PCDH9: variants seen among roughly 807,000 people sequenced by gnomAD.
PCDH9 encodes the protein protocadherin 9.
Under a neutral mutation model 70.6 loss-of-function variants are expected in PCDH9, and 24 were observed. The ratio of observed to expected loss-of-function variants is 0.34; its 90% CI spans 0.25 to 0.48. The LOEUF (loss-of-function observed/expected upper bound fraction) is 0.48, where lower values mean the gene tolerates loss of function less well. Among genes scored for constraint, PCDH9 ranks in the 20% least tolerant of loss-of-function variants. PCDH9 has a pLI of 0.99. For missense variants in PCDH9, 1,281 were observed against 1,503.6 expected (o/e 0.85, Z 2.45); for synonymous variants, 562 against 558.5 (o/e 1.01, Z -0.09).
chr13:67,092,712 CATTTT>C (rs1467722976), intron 2 of PCDH9, among the ~76,000 whole-genome samples: 1 of 152,176 alleles, frequency 6.6e-6, no homozygotes, highest in Non-Finnish European at 1.5e-5. Flanking sequence ...TATGTTATTT[CATTTT>C]ATTTCCCATA....
intron 4 of PCDH9, among the ~76,000 whole-genome samples, chr13:66,487,558 A>G (rs1017018485): frequency 6.6e-6 from 1 of 152,168 alleles, no homozygotes; most frequent in African/African-American, 2.4e-5. Flanking sequence ...TTACTTTGTC[A>G]ATGTCCATAT....
intron 3 of PCDH9, among the ~76,000 whole-genome samples, chr13:66,759,467 T>G (rs2079588283): frequency 6.6e-6 from 1 of 152,146 alleles, no homozygotes; most frequent in Non-Finnish European, 1.5e-5. Flanking sequence ...TTAAATAATT[T>G]AATCTATTTA....
intron 2 of PCDH9, among the ~76,000 whole-genome samples, chr13:67,163,489 G>T (rs2088020041): frequency 6.6e-6 from 1 of 152,070 alleles, no homozygotes; most frequent in South Asian, 2.1e-4. Context: ...TAAAATTTCA[G>T]AGCGCATTTG....
At chr13:66,569,739 GATTAAGT>G (rs1160603716) in intron 4 of PCDH9, among the ~76,000 whole-genome samples, 2 of 152,230 alleles carry the variant, frequency 1.3e-5, no homozygotes, top group Middle Eastern at 3.4e-3. Context: ...GAGATGGGAT[GATTAAGT>G]ATTAATTGAA....
At chr13:66,349,121 A>C (rs1198058223) in intron 4 of PCDH9, among the ~76,000 whole-genome samples, 2 of 152,192 alleles carry the variant, frequency 1.3e-5, no homozygotes, top group African/African-American at 4.8e-5. Context: ...TTGACAAACA[A>C]GGGTCTAGAG....
rs187778030 is a variant in PCDH9, at chr13:66,649,459, C to T, written c.3139-18048G>A. On this transcript the variant is annotated intron_variant, in intron 3 of 4. Transcript: ENST00000377865. Reference sequence around the variant, plus strand: ...TTTTATCCTAGAACAGTATATCAAACAAAAACATCCTTCAAACATGAAGGA... The same window carrying T: ...TTTTATCCTAGAACAGTATATCAAATAAAAACATCCTTCAAACATGAAGGA... 3.0e-3 allele frequency among the ~76,000 whole-genome samples: 463 copies of T among 151,936 alleles called. 1 individual carries two copies. Among genetic ancestry groups the T allele is most frequent in the African/African-American group, 0.011 (440 of 41,456 alleles).
At chr13:66,316,528 G>A (rs1469385739) in intron 4 of PCDH9, among the ~76,000 whole-genome samples, 1 of 152,012 alleles carries the variant, frequency 6.6e-6, no homozygotes, top group East Asian at 1.9e-4. Flanking sequence ...ATTTCTTGCT[G>A]TGCCTTGAAC....
chr13:66,559,630 C>T (rs141069605), intron 4 of PCDH9, among the ~76,000 whole-genome samples: 4,564 of 151,520 alleles, frequency 0.03, 204 homozygotes, highest in African/African-American at 0.1. Flanking sequence ...GAAACCCCAT[C>T]TCTACTAAAA....
At chr13:66,362,007 A>T (rs1956479276) in intron 4 of PCDH9, among the ~76,000 whole-genome samples, 1 of 152,164 alleles carries the variant, frequency 6.6e-6, no homozygotes, top group Non-Finnish European at 1.5e-5. Context: ...TCATTAAATT[A>T]GGGAAAGTTT....
intron 2 of PCDH9, among the ~76,000 whole-genome samples, chr13:67,098,852 A>T (rs959302528): frequency 6.6e-6 from 1 of 152,220 alleles, no homozygotes; most frequent in East Asian, 1.9e-4. Flanking sequence ...ATAGCAAAAA[A>T]CACAGCAGTG....
At chr13:66,586,310 A>G (rs2076962241) in intron 4 of PCDH9, among the ~76,000 whole-genome samples, 1 of 127,564 alleles carries the variant, frequency 7.8e-6, no homozygotes, top group Non-Finnish European at 1.7e-5. Context: ...ATTAAATAAA[A>G]TTTAAAATTT....
At chr13:66,843,938 T>C (rs77953387) in intron 3 of PCDH9, among the ~76,000 whole-genome samples, 1,994 of 152,268 alleles carry the variant, frequency 0.013, 42 homozygotes, top group African/African-American at 0.046. Context: ...CAAACTTACT[T>C]CTGTGGTGTC....
At chr13:66,429,683 A>G (rs1957736461) in intron 4 of PCDH9, among the ~76,000 whole-genome samples, 1 of 151,942 alleles carries the variant, frequency 6.6e-6, no homozygotes, top group African/African-American at 2.4e-5. Flanking sequence ...AGAAAGACAC[A>G]GAACAATGCC....
chr13:66,992,619 T>G (rs111821314), intron 2 of PCDH9, among the ~76,000 whole-genome samples: 207 of 152,316 alleles, frequency 1.4e-3, no homozygotes, highest in African/African-American at 4.8e-3. Context: ...TCTTAGATAA[T>G]TGTAATGGTT....
Position 66,449,667 on chromosome 13 carries a change from C to T in PCDH9, c.3341-144639G>A, listed in dbSNP as rs534690333. On this transcript the variant is annotated intron_variant, in intron 4 of 4. Transcript: ENST00000377865. ...AAATGCATACATAAGATCAAGACCC[C>T]GTTGGCAGAATTTTTCAAATAACTG... is the stretch of plus-strand genomic sequence containing the variant. 1.7e-3 allele frequency among the ~76,000 whole-genome samples: 255 copies of T among 152,142 alleles called. 2 individuals carry two copies. The highest frequency in any genetic ancestry group is 1.9e-3 in the Non-Finnish European group (129 of 67,976).
At chr13:67,109,437 T>C (rs1395114173) in intron 2 of PCDH9, among the ~76,000 whole-genome samples, 1 of 152,222 alleles carries the variant, frequency 6.6e-6, no homozygotes, top group Non-Finnish European at 1.5e-5. Context: ...TTTCATTCTT[T>C]AAATGCATCT....
At chr13:66,890,089 T>C (rs768227731) in intron 3 of PCDH9, among the ~76,000 whole-genome samples, 2 of 152,146 alleles carry the variant, frequency 1.3e-5, no homozygotes, top group Non-Finnish European at 2.9e-5. Flanking sequence ...CCCGGGTATC[T>C]GGCAATATAT....
chr13:67,149,537 T>C (rs1401068844), intron 2 of PCDH9, among the ~76,000 whole-genome samples: 1 of 151,932 alleles, frequency 6.6e-6, no homozygotes, highest in Non-Finnish European at 1.5e-5. Context: ...GAACAAAACA[T>C]CAACTTTCAT....
At chr13:66,482,678 C>G (rs900593763) in intron 4 of PCDH9, among the ~76,000 whole-genome samples, 1 of 152,220 alleles carries the variant, frequency 6.6e-6, no homozygotes, top group Non-Finnish European at 1.5e-5. Context: ...CAAAAAGTAG[C>G]TCTTCCATCA....
Sources: gnomAD v4.1 joint callset for allele counts (sites outside exome capture counted in the v4.1 genomes callset) on GRCh38, gnomAD v4.1.1 for gene constraint, MANE v1.5 for transcripts, NCBI Gene and HGNC (gene_info 2026-07-23, HGNC 2026-07-21) for gene names.